SH3GL2: variants seen among roughly 807,000 people sequenced by gnomAD.
SH3GL2 encodes the protein SH3 domain containing GRB2 like 2, endophilin A1, also known as endophilin-A1.
SH3GL2 carries 24 observed loss-of-function variants against 46.0 expected under a neutral mutation model. The observed-to-expected ratio is 0.52, with a 90% CI of 0.38 to 0.73. The LOEUF is 0.73. Among genes scored for constraint, SH3GL2 ranks in the 30% least tolerant of loss-of-function variants. The probability of loss-of-function intolerance (pLI) is 0.00; values close to 1 mark genes in which losing one functional copy is unlikely to be tolerated. For missense variants in SH3GL2, 413 were observed against 424.2 expected, an observed-to-expected ratio of 0.97 and a Z score of 0.23; for synonymous variants, 196 against 147.1, an observed-to-expected ratio of 1.33 and a Z score of -2.40.
At chr9:17,651,339 C>T (rs995297307) in intron 1 of SH3GL2, among the ~76,000 whole-genome samples, 7 of 152,092 alleles carry the variant, frequency 4.6e-5, no homozygotes, top group African/African-American at 1.2e-4. Flanking sequence ...ATCTCATCCA[C>T]GAGTATCTTC....
At chr9:17,741,308 A>G (rs1383649757) in intron 1 of SH3GL2, among the ~76,000 whole-genome samples, 2 of 152,200 alleles carry the variant, frequency 1.3e-5, no homozygotes, top group African/African-American at 4.8e-5. Context: ...GTGTGTTTAT[A>G]TATGCAAATA....
intron 3 of SH3GL2, among the ~76,000 whole-genome samples, chr9:17,770,964 C>A (rs1471459448): frequency 1.3e-5 from 2 of 152,186 alleles, no homozygotes; most frequent in Non-Finnish European, 2.9e-5. Flanking sequence ...CTGGCGAGAC[C>A]CTGAGCATAG....
At chr9:17,661,392 A>G (rs1438901635) in intron 1 of SH3GL2, among the ~76,000 whole-genome samples, 1 of 152,176 alleles carries the variant, frequency 6.6e-6, no homozygotes, top group Non-Finnish European at 1.5e-5. Flanking sequence ...CAGTGGACAC[A>G]AAATTGAACA....
chr9:17,605,218 A>T (rs1818741699), intron 1 of SH3GL2, among the ~76,000 whole-genome samples: 1 of 151,998 alleles, frequency 6.6e-6, no homozygotes, highest in African/African-American at 2.4e-5. Context: ...GCCTCAAATG[A>T]TCCTCTTGTC....
At chr9:17,689,256 C>G (rs1222746906) in intron 1 of SH3GL2, among the ~76,000 whole-genome samples, 1 of 151,876 alleles carries the variant, frequency 6.6e-6, no homozygotes, top group East Asian at 1.9e-4. Context: ...TCATCAAAAA[C>G]AAAGAAAAGT....
chr9:17,750,764 A>G (rs1336514174), intron 2 of SH3GL2, among the ~76,000 whole-genome samples: 2 of 152,208 alleles, frequency 1.3e-5, no homozygotes, highest in Non-Finnish European at 1.5e-5. Flanking sequence ...AGTTGCTGCA[A>G]TGATTGTGTA....
At chr9:17,623,053 C>G (rs1418724721) in intron 1 of SH3GL2, among the ~76,000 whole-genome samples, 13 of 79,126 alleles carry the variant, frequency 1.6e-4, no homozygotes, top group Non-Finnish European at 2.4e-4. Context: ...TCCCCTTCCC[C>G]TTCCCCTTCC....
intron 1 of SH3GL2, among the ~76,000 whole-genome samples, chr9:17,707,147 A>G (rs1821492072): frequency 6.6e-6 from 1 of 152,046 alleles, no homozygotes; most frequent in Admixed American, 6.6e-5. Context: ...TCCTGACTGC[A>G]ACACACACAT....
Position 17,791,278 on chromosome 9 carries a change from G to C in SH3GL2, c.672G>C (p.Glu224Asp). The C allele has an allele frequency of 6.2e-7, 1 of 1,613,758 alleles. No homozygotes were observed. Among genetic ancestry groups the C allele is most frequent in the South Asian group, 1.1e-5 (1 of 91,066 alleles). ...QLSALVQAQLEYHKQAVQILQ... is the reference protein window; with the variant it reads ...QLSALVQAQLDYHKQAVQILQ... ...CTGCACTTGTGCAAGCTCAGCTGGA[G>C]TACCACAAGCAGGCAGTCCAGATCC... Residue 224 changes from glutamate (E) to aspartate (D), a missense_variant, in exon 7 of 9, where the codon GAG (glutamate) becomes GAC (aspartate). By Grantham distance (45) the Glu-to-Asp change is conservative. Transcript: ENST00000380607.
rs538035235 is a variant in SH3GL2, at chr9:17,607,537, A to G, written c.45+28250A>G. Among the ~76,000 whole-genome samples the G allele has an allele frequency of 8.5e-5, 13 of 152,326 alleles. 2 individuals are homozygous for G. The South Asian group carries it at 2.5e-3, about 29-fold the overall frequency. On this transcript the variant is annotated intron_variant, in intron 1 of 8. Coordinates refer to ENST00000380607, the MANE Select transcript of SH3GL2 (RefSeq NM_003026.5). Reference sequence around the variant, plus strand: ...GGTCTTATAATCTTACAGGACTACCATCATGTATTTGAGCCATCGTTGACC... The same window carrying G: ...GGTCTTATAATCTTACAGGACTACCGTCATGTATTTGAGCCATCGTTGACC...
chr9:17,715,669 G>A (rs2209438), intron 1 of SH3GL2, among the ~76,000 whole-genome samples: 88,013 of 151,608 alleles, frequency 0.58, 27,263 homozygotes, highest in African/African-American at 0.79. Context: ...ATACCTCATA[G>A]TTATGTGTAT....
intron 1 of SH3GL2, among the ~76,000 whole-genome samples, chr9:17,734,774 T>G (rs1822279939): frequency 6.6e-6 from 1 of 152,058 alleles, no homozygotes; most frequent in South Asian, 2.1e-4. Context: ...CAGAAGTATA[T>G]GTGTGGTTAC....
At chr9:17,622,002 A>G (rs949873489) in intron 1 of SH3GL2, among the ~76,000 whole-genome samples, 20 of 152,124 alleles carry the variant, frequency 1.3e-4, no homozygotes, top group Non-Finnish European at 2.4e-4. Flanking sequence ...TTAGGTTGCT[A>G]ATTTCTGCCT....
chr9:17,605,653 T>C (rs1318076878), intron 1 of SH3GL2, among the ~76,000 whole-genome samples: 1 of 152,150 alleles, frequency 6.6e-6, no homozygotes, highest in Non-Finnish European at 1.5e-5. Flanking sequence ...AACTGTATTG[T>C]GTATTATTTA....
At chr9:17,716,068 G>T (rs57099063) in intron 1 of SH3GL2, among the ~76,000 whole-genome samples, 2 of 151,914 alleles carry the variant, frequency 1.3e-5, no homozygotes, top group East Asian at 3.9e-4. Flanking sequence ...ATGTTTGTAC[G>T]TGTGTATGTA....
intron 1 of SH3GL2, among the ~76,000 whole-genome samples, chr9:17,670,997 A>G (rs1820460832): frequency 6.6e-6 from 1 of 152,218 alleles, no homozygotes; most frequent in South Asian, 2.1e-4. Context: ...CCACATTTTG[A>G]GGACTACTAG....
intron 1 of SH3GL2, among the ~76,000 whole-genome samples, chr9:17,611,197 A>C (rs1818858264): frequency 6.6e-6 from 1 of 152,312 alleles, no homozygotes; most frequent in Non-Finnish European, 1.5e-5. Flanking sequence ...ATAAAGCCTA[A>C]CAATTATTTT....
chr9:17,678,051 C>G (rs1820660322), intron 1 of SH3GL2, among the ~76,000 whole-genome samples: 1 of 152,118 alleles, frequency 6.6e-6, no homozygotes, highest in African/African-American at 2.4e-5. Context: ...GGGTTGGTTC[C>G]AAGTCTTTGC....
intron 1 of SH3GL2, among the ~76,000 whole-genome samples, chr9:17,696,675 A>T (rs1821211398): frequency 6.6e-6 from 1 of 152,168 alleles, no homozygotes; most frequent in Non-Finnish European, 1.5e-5. Context: ...GCATGGGGGA[A>T]CTGCCCACAT....
Sources: gnomAD v4.1 joint callset for allele counts (sites outside exome capture counted in the v4.1 genomes callset) on GRCh38, gnomAD v4.1.1 for gene constraint, MANE v1.5 for transcripts, NCBI Gene and HGNC (gene_info 2026-07-23, HGNC 2026-07-21) for gene names.